Variants in REDIC1 observed in about 807,000 individuals in gnomAD.
REDIC1 encodes regulator of DNA class I crossover intermediates 1, also known as HEI10 Interacting Protein 1.
chr12:39,823,997 C>T, the REDIC1 span, among the ~76,000 whole-genome samples: 2 of 152,092 alleles, frequency 1.3e-5, no homozygotes, highest in Non-Finnish European at 2.9e-5. Flanking sequence ...ACTGGAACAT[C>T]ATATCCTCTC....
chr12:39,712,434 A>G, the REDIC1 span, among the ~76,000 whole-genome samples: 1 of 105,374 alleles, frequency 9.5e-6, no homozygotes, highest in Non-Finnish European at 2.0e-5. Flanking sequence ...GTATATATAC[A>G]TACGTATATG....
the REDIC1 span, among the ~76,000 whole-genome samples, chr12:39,834,987 CACTCAAGA>C: frequency 6.6e-6 from 1 of 152,076 alleles, no homozygotes; most frequent in African/African-American, 2.4e-5. Flanking sequence ...TTACATTTTT[CACTCAAGA>C]TTTGCTCTTT....
the REDIC1 span, among the ~76,000 whole-genome samples, chr12:39,710,285 G>A: frequency 6.6e-6 from 1 of 151,824 alleles, no homozygotes; most frequent in Non-Finnish European, 1.5e-5. Flanking sequence ...ATCTTTATCA[G>A]ATTTTCATAT....
chr12:39,658,464 C>T, the REDIC1 span, among the ~76,000 whole-genome samples: 1 of 152,058 alleles, frequency 6.6e-6, no homozygotes, highest in South Asian at 2.1e-4. Context: ...ATTTGGTTCC[C>T]AGAAACTAAG....
At chr12:39,673,008 AATGTGGCCAG>A in the REDIC1 span, among the ~76,000 whole-genome samples, 6 of 152,172 alleles carry the variant, frequency 3.9e-5, no homozygotes, top group African/African-American at 1.4e-4. Flanking sequence ...GAGGGACTCC[AATGTGGCCAG>A]GATTATAGGA....
At chr12:39,761,940 G>A in the REDIC1 span, among the ~76,000 whole-genome samples, 12 of 152,010 alleles carry the variant, frequency 7.9e-5, no homozygotes, top group African/African-American at 2.7e-4. Context: ...ATCTGTCAGC[G>A]CTAAACTCAC....
At chr12:39,876,186 A>C in the REDIC1 span, among the ~76,000 whole-genome samples, 1 of 152,218 alleles carries the variant, frequency 6.6e-6, no homozygotes. Flanking sequence ...AGAACAGCCA[A>C]GGCCGGAAAT....
the REDIC1 span, among the ~76,000 whole-genome samples, chr12:39,647,336 A>G: frequency 6.6e-6 from 1 of 152,138 alleles, no homozygotes; most frequent in Non-Finnish European, 1.5e-5. Context: ...TTAATCAATT[A>G]GAAAATGCAT....
At chr12:39,668,120 T>A in the REDIC1 span, among the ~76,000 whole-genome samples, 2 of 152,194 alleles carry the variant, frequency 1.3e-5, no homozygotes, top group Admixed American at 1.3e-4. Flanking sequence ...TGATGTTAGC[T>A]TGTTATTTTG....
chr12:39,733,392 CT>C, the REDIC1 span, among the ~76,000 whole-genome samples: 1 of 151,990 alleles, frequency 6.6e-6, no homozygotes. Flanking sequence ...TAGTTTTTAT[CT>C]TTAGGCACTT....
chr12:39,893,793 C>T, the REDIC1 span, among the ~76,000 whole-genome samples: 1 of 152,160 alleles, frequency 6.6e-6, no homozygotes, highest in Non-Finnish European at 1.5e-5. Flanking sequence ...ACATTTTCTG[C>T]AATTTACTTT....
chr12:39,705,078 TAAATA>T, the REDIC1 span, among the ~76,000 whole-genome samples: 3 of 150,204 alleles, frequency 2.0e-5, no homozygotes, highest in South Asian at 2.1e-4. Context: ...ATAATAATAA[TAAATA>T]AAATTAAATT....
chr12:39,647,396 C>T, the REDIC1 span, among the ~76,000 whole-genome samples: 2 of 151,944 alleles, frequency 1.3e-5, no homozygotes, highest in East Asian at 1.9e-4. Flanking sequence ...ATATTGTTAG[C>T]TATCATTTTT....
chr12:39,683,873 G>T, the REDIC1 span, among the ~76,000 whole-genome samples: 1 of 152,120 alleles, frequency 6.6e-6, no homozygotes, highest in African/African-American at 2.4e-5. Flanking sequence ...AGCTCTCAGT[G>T]GGAAGGTTGC....
the REDIC1 span, chr12:39,716,868 C>T: frequency 1.5e-6 from 2 of 1,374,592 alleles, no homozygotes; most frequent in Non-Finnish European, 2.0e-6. Flanking sequence ...CTTATTAATA[C>T]ATGCTATATT....
the REDIC1 span, among the ~76,000 whole-genome samples, chr12:39,711,732 T>TATACAC: frequency 1.3e-5 from 1 of 75,364 alleles, no homozygotes; most frequent in Non-Finnish European, 2.5e-5. Context: ...CACATGCATG[T>TATACAC]GTGTATGTGT....
the REDIC1 span, among the ~76,000 whole-genome samples, chr12:39,862,110 A>G: frequency 1.3e-5 from 2 of 152,146 alleles, no homozygotes; most frequent in Non-Finnish European, 2.9e-5. Flanking sequence ...GTTCTGAAAG[A>G]CATTCTTTAA....
the REDIC1 span, among the ~76,000 whole-genome samples, chr12:39,749,098 A>C: frequency 1.3e-5 from 2 of 152,152 alleles, no homozygotes; most frequent in African/African-American, 2.4e-5. Flanking sequence ...ATAGAGACAC[A>C]AAAAACCCTT....
the REDIC1 span, among the ~76,000 whole-genome samples, chr12:39,640,196 G>C: frequency 1.3e-5 from 2 of 151,844 alleles, no homozygotes; most frequent in East Asian, 3.9e-4. Flanking sequence ...CACAGGGGCA[G>C]TGTCTTCGTG....
Sources: gnomAD v4.1 joint callset for allele counts (sites outside exome capture counted in the v4.1 genomes callset) on GRCh38, gnomAD v4.1.1 for gene constraint, MANE v1.5 for transcripts, NCBI Gene and HGNC (gene_info 2026-07-23, HGNC 2026-07-21) for gene names.